Variants in TSHZ2 observed in about 807,000 individuals in gnomAD.
TSHZ2 encodes the protein teashirt zinc finger homeobox 2.
In TSHZ2, 21 loss-of-function variants were observed where a neutral mutation model predicts 74.4. That is an observed-to-expected ratio of 0.28 (90% CI 0.20 to 0.41). The LOEUF (loss-of-function observed/expected upper bound fraction) is 0.41, where lower values mean the gene tolerates loss of function less well. Ranked by LOEUF, TSHZ2 falls within the 10% of genes least tolerant of loss-of-function variation. The pLI is 1.00. For synonymous variants in TSHZ2, 540 were observed against 515.3 expected (o/e 1.05, Z -0.65); for missense variants, 1,244 against 1,293.5 (o/e 0.96, Z 0.59).
chr20:53,440,324 C>T (rs2145754269), intron 2 of TSHZ2, among the ~76,000 whole-genome samples: 1 of 152,268 alleles, frequency 6.6e-6, no homozygotes, highest in Non-Finnish European at 1.5e-5. Flanking sequence ...AAGAGGGCAG[C>T]CTGGGAGACA....
chr20:53,478,576 T>C (rs1289401048), intron 2 of TSHZ2, among the ~76,000 whole-genome samples: 6 of 151,060 alleles, frequency 4.0e-5, no homozygotes, highest in African/African-American at 1.5e-4. Context: ...GACGAGTTGG[T>C]GGGTGCAGCG....
chr20:53,161,130 C>CAAGAAAAAAAAA (rs1987924775), intron 1 of TSHZ2, among the ~76,000 whole-genome samples: 1 of 67,978 alleles, frequency 1.5e-5, no homozygotes, highest in Admixed American at 2.1e-4. Flanking sequence ...TTATTTTCAG[C>CAAGAAAAAAAAA]AAAAAAAAAA....
At chr20:53,043,912 G>T (rs145123002) in intron 1 of TSHZ2, among the ~76,000 whole-genome samples, 1 of 151,990 alleles carries the variant, frequency 6.6e-6, no homozygotes, top group Non-Finnish European at 1.5e-5. Flanking sequence ...TCTGTACTTC[G>T]CTGGAGACTC....
At chr20:53,465,966 TAAAAA>T (rs557411643) in intron 2 of TSHZ2, among the ~76,000 whole-genome samples, 1 of 132,210 alleles carries the variant, frequency 7.6e-6, no homozygotes. Flanking sequence ...TCACAGTGGT[TAAAAA>T]AAAAAAAAAA....
chr20:53,141,491 G>T (rs190801390), intron 1 of TSHZ2, among the ~76,000 whole-genome samples: 3 of 152,356 alleles, frequency 2.0e-5, no homozygotes, highest in Non-Finnish European at 4.4e-5. Flanking sequence ...TTTATTGACA[G>T]ATGTTTGCTT....
rs187572599 is a variant in TSHZ2 at position 53,361,251 on chromosome 20, G to A, written c.*8+104680G>A. On this transcript the variant is annotated intron_variant, in intron 2 of 2. Transcript: ENST00000371497. ...CCCAGGATCTTTGAATTTAGATGCT[G>A]GGTCAAGAAAGAATGACACTTTTGC... Among the ~76,000 whole-genome samples the A allele has an allele frequency of 1.3e-3, 202 of 152,344 alleles. 1 individual carries two copies. Among genetic ancestry groups the A allele is most frequent in the African/African-American group, 4.8e-3 (199 of 41,584 alleles).
At chr20:53,241,775 T>C (rs188190277) in intron 1 of TSHZ2, among the ~76,000 whole-genome samples, 11 of 150,700 alleles carry the variant, frequency 7.3e-5, no homozygotes, top group African/African-American at 2.0e-4. Context: ...TTATCTCCAA[T>C]TGATAGATGG....
chr20:53,070,666 A>ATGTG (rs1028746941), intron 1 of TSHZ2, among the ~76,000 whole-genome samples: 1 of 152,108 alleles, frequency 6.6e-6, no homozygotes, highest in Non-Finnish European at 1.5e-5. Context: ...ATGTGTGTGT[A>ATGTG]TGTGTGTGTG....
chr20:52,998,063 G>T (rs1274520300), intron 1 of TSHZ2, among the ~76,000 whole-genome samples: 2 of 152,184 alleles, frequency 1.3e-5, no homozygotes, highest in Non-Finnish European at 2.9e-5. Context: ...AGAAGAGTTA[G>T]CCTACCCTGA....
intron 2 of TSHZ2, among the ~76,000 whole-genome samples, chr20:53,425,745 T>A (rs1278508186): frequency 2.0e-5 from 3 of 151,820 alleles, no homozygotes; most frequent in Non-Finnish European, 4.4e-5. Context: ...AAAACTTTAT[T>A]TGTGAACACT....
intron 2 of TSHZ2, among the ~76,000 whole-genome samples, chr20:53,435,621 C>G (rs1179500197): frequency 1.3e-5 from 2 of 152,214 alleles, no homozygotes; most frequent in African/African-American, 4.8e-5. Context: ...TCAAGCAATT[C>G]TCCTGCCTCA....
intron 2 of TSHZ2, among the ~76,000 whole-genome samples, chr20:53,270,102 A>C (rs748949100): frequency 2.6e-5 from 4 of 152,030 alleles, no homozygotes; most frequent in African/African-American, 9.7e-5. Context: ...TATGGTGGAG[A>C]TGCCTTTGGA....
chr20:53,410,224 C>T (rs1488935961), intron 2 of TSHZ2, among the ~76,000 whole-genome samples: 2 of 152,158 alleles, frequency 1.3e-5, no homozygotes, highest in Non-Finnish European at 2.9e-5. Flanking sequence ...GACATGCTGA[C>T]CGCAGCTACC....
Position 52,972,972 on chromosome 20 carries a change from A to G in TSHZ2, c.-322A>G, listed in dbSNP as rs1981179484. 1 of 361,686 alleles carries G rather than the reference A, an allele frequency of 2.8e-6. No individual in the cohort carries two copies. Among genetic ancestry groups the G allele is most frequent in the Non-Finnish European group, 4.9e-6 (1 of 203,748 alleles). 22.4% of individuals were successfully genotyped at this position (361,686 alleles called of 1,614,324 possible). ...AAAAAAAAAAAAAACCGCAAAAACA[A>G]AACCAAAAAAATTCCAAAAGCAAAA... On this transcript the variant is annotated 5_prime_UTR_variant, in exon 1 of 3. Coordinates refer to ENST00000371497, the MANE Select transcript of TSHZ2 (RefSeq NM_173485.6).
At chr20:53,126,740 T>C (rs899765282) in intron 1 of TSHZ2, among the ~76,000 whole-genome samples, 12 of 152,188 alleles carry the variant, frequency 7.9e-5, no homozygotes, top group African/African-American at 2.9e-4. Flanking sequence ...AAGTAAAATA[T>C]GACCAAAGCT....
rs377386327 is a variant in TSHZ2, at chr20:53,123,574, CCATTCAGGTAAGCATTTTTCAAGT to C, written c.41-129924_41-129901del. Among the ~76,000 whole-genome samples the C allele has an allele frequency of 2.7e-3, 415 of 152,240 alleles. 1 individual carries two copies. Among genetic ancestry groups the C allele is most frequent in the African/African-American group, 9.4e-3 (390 of 41,518 alleles). On this transcript the variant is annotated intron_variant, in intron 1 of 2. Coordinates refer to ENST00000371497, the MANE Select transcript of TSHZ2 (RefSeq NM_173485.6). ...GCTGAGGGTAAAAGCCTGAACAAGT[CCATTCAGGTAAGCATTTTTCAAGT>C]TTTTGTTTGCATCACACTTGCTAAC...
chr20:53,262,288 G>A (rs1339358075), intron 2 of TSHZ2, among the ~76,000 whole-genome samples: 1 of 151,698 alleles, frequency 6.6e-6, no homozygotes, highest in Non-Finnish European at 1.5e-5. Context: ...GGAGACAAGT[G>A]ACATTCTGTG....
chr20:53,090,746 AAAC>A (rs1422409171), intron 1 of TSHZ2, among the ~76,000 whole-genome samples: 1 of 152,206 alleles, frequency 6.6e-6, no homozygotes, highest in Non-Finnish European at 1.5e-5. Context: ...TTTGCAGAAT[AAAC>A]AAAGGCTTCA....
chr20:53,061,861 A>G (rs919630636), intron 1 of TSHZ2, among the ~76,000 whole-genome samples: 5 of 152,200 alleles, frequency 3.3e-5, no homozygotes, highest in Non-Finnish European at 5.9e-5. Context: ...TCTCAGAGAC[A>G]TGGCCCACTT....
Sources: gnomAD v4.1 joint callset for allele counts (sites outside exome capture counted in the v4.1 genomes callset) on GRCh38, gnomAD v4.1.1 for gene constraint, MANE v1.5 for transcripts, NCBI Gene and HGNC (gene_info 2026-07-23, HGNC 2026-07-21) for gene names.